CHRNA5: variants seen among roughly 807,000 people sequenced by gnomAD.
The protein encoded by CHRNA5 is neuronal acetylcholine receptor subunit alpha-5.
CHRNA5 carries 28 observed loss-of-function variants against 41.2 expected under a neutral mutation model. That is an observed-to-expected ratio of 0.68 (90% CI 0.50 to 0.93). The LOEUF (loss-of-function observed/expected upper bound fraction) is 0.93. CHRNA5 is among the 40% of genes least tolerant of loss of function. CHRNA5 has a pLI of 0.00. For synonymous variants in CHRNA5, 188 were observed against 205.8 expected (o/e 0.91, Z 0.74); for missense variants, 481 against 581.9 (o/e 0.83, Z 1.78).
intron 1 of CHRNA5, among the ~76,000 whole-genome samples, chr15:78,574,893 A>C (rs1349939770): frequency 1.3e-5 from 2 of 151,294 alleles, no homozygotes; most frequent in Non-Finnish European, 2.9e-5. Flanking sequence ...GGATTGCTTG[A>C]GCACAGGAGA....
chr15:78,590,244 T>C (rs749683576), exon 5 of CHRNA5: 1 of 1,614,068 alleles, frequency 6.2e-7, no homozygotes. Flanking sequence ...GATTTGTCTC[T>C]GCACTTCAGT....
At chr15:78,566,285 A>T (rs574177550) in intron 1 of CHRNA5, among the ~76,000 whole-genome samples, 5 of 152,184 alleles carry the variant, frequency 3.3e-5, no homozygotes, top group African/African-American at 1.2e-4. Flanking sequence ...CCACCGCAGC[A>T]TTTGAAAACC....
chr15:78,572,299 G>C (rs1301880173), intron 1 of CHRNA5, among the ~76,000 whole-genome samples: 1 of 152,056 alleles, frequency 6.6e-6, no homozygotes, highest in Admixed American at 6.5e-5. Context: ...GTTAATTACA[G>C]CATTTTTTCC....
rs2052979333 is a variant in CHRNA5, at chr15:78,588,266, T to C, written c.304-48T>C. The C allele has an allele frequency of 9.8e-7, 1 of 1,023,870 alleles. No homozygotes were observed. Among genetic ancestry groups the C allele is most frequent in the Non-Finnish European group, 1.5e-6 (1 of 683,430 alleles). The allele number at this position is 1,023,870 out of a possible 1,614,324, so 63.4% of individuals were successfully genotyped here. A position where few individuals can be genotyped will look rare whatever the true frequency, so the allele number is the denominator to read the frequency against. On this transcript the variant is annotated intron_variant, in intron 3 of 5. Coordinates refer to ENST00000299565, the Ensembl canonical transcript of CHRNA5. The surrounding 1 kb of genome is among the most constrained non-coding windows in gnomAD (Gnocchi z 4.1). ...CAAAAAAGTATGGTATTCACTGTTT[T>C]TGACTATTAGTTTTATTGAAATTGA...
At chr15:78,566,870 T>A (rs2052752593) in intron 1 of CHRNA5, among the ~76,000 whole-genome samples, 1 of 152,154 alleles carries the variant, frequency 6.6e-6, no homozygotes, top group African/African-American at 2.4e-5. Context: ...AAGAAAGGAA[T>A]GTGATTTTGG....
intron 2 of CHRNA5, among the ~76,000 whole-genome samples, chr15:78,582,938 C>G (rs999644002): frequency 3.3e-4 from 50 of 152,192 alleles, no homozygotes; most frequent in African/African-American, 1.1e-3. Context: ...CCTACTGGCA[C>G]TAGCCATTTA....
At chr15:78,575,991 A>T (rs889597164) in intron 1 of CHRNA5, among the ~76,000 whole-genome samples, 1 of 152,160 alleles carries the variant, frequency 6.6e-6, no homozygotes, top group Admixed American at 6.6e-5. Context: ...TGGATTATTG[A>T]ATCTTTTTAT....
At chr15:78,574,254 C>T (rs193258559) in intron 1 of CHRNA5, among the ~76,000 whole-genome samples, 21 of 151,642 alleles carry the variant, frequency 1.4e-4, no homozygotes, top group African/African-American at 4.8e-4. Context: ...GTGGCACATG[C>T]CTGTAGTCCC....
rs1474533880 is a variant in CHRNA5, at chr15:78,590,646, G to A, written c.1245+10G>A. The A allele has an allele frequency of 1.9e-6, 3 of 1,584,874 alleles. No homozygotes were observed. The highest frequency in any genetic ancestry group is 2.3e-5 in the South Asian group (2 of 87,150). On this transcript the variant is annotated intron_variant, in intron 5 of 5. Transcript: ENST00000299565. ...AAATGATGTCCGTGAGGTCTGTGAT[G>A]TGTATTTACAAATGCAGATCTTCTT... is the stretch of plus-strand genomic sequence containing the variant.
chr15:78,583,686 C>T (rs1433726177), intron 2 of CHRNA5, among the ~76,000 whole-genome samples: 1 of 149,520 alleles, frequency 6.7e-6, no homozygotes, highest in African/African-American at 2.5e-5. Context: ...CAGAGCGAGA[C>T]TCTGTCTCAA....
At chr15:78,589,081 C>T (rs2052986833) in intron 4 of CHRNA5, 1 of 152,178 alleles carries the variant, frequency 6.6e-6, no homozygotes, top group African/African-American at 2.4e-5. Context: ...TTTTTACCTC[C>T]ATGCTTCTTA....
chr15:78,591,007 A>G (rs890900244), intron 5 of CHRNA5: 9 of 193,630 alleles, frequency 4.6e-5, no homozygotes, highest in Non-Finnish European at 6.3e-5. Context: ...TTTTGTCTTC[A>G]GTAACTTTGT....
At position 78,588,138 on chromosome 15, in the gene CHRNA5, C is replaced by T. The variant is rs1274190737; in HGVS notation, c.304-176C>T. Among the ~76,000 whole-genome samples, 1 of 152,132 alleles carries T rather than the reference C, an allele frequency of 6.6e-6. No homozygotes were observed. The highest frequency in any genetic ancestry group is 1.5e-5 in the Non-Finnish European group (1 of 68,024). ...CTCACAGGGACCATGGTGAGAACCA[C>T]TACACAAGGGGACAGGGTTATCTGG... On this transcript the variant is annotated intron_variant, in intron 3 of 5. Coordinates refer to ENST00000299565, the Ensembl canonical transcript of CHRNA5. The surrounding 1 kb of genome is among the most constrained non-coding windows in gnomAD (Gnocchi z 4.1).
At position 78,588,017 on chromosome 15, in the gene CHRNA5, C is replaced by T. The variant is rs556252212; in HGVS notation, c.304-297C>T. Among the ~76,000 whole-genome samples, 30 of 152,272 alleles carry T rather than the reference C, an allele frequency of 2.0e-4. No homozygotes were observed. Among genetic ancestry groups the T allele is most frequent in the Middle Eastern group, 3.4e-3 (1 of 294 alleles). ...TCCCTTGAACCTGGATATTAAGTGCCTGTGGCTTCAAGTCCTGGATATAGT... is the reference window on the plus strand; with the variant it reads ...TCCCTTGAACCTGGATATTAAGTGCTTGTGGCTTCAAGTCCTGGATATAGT... On this transcript the variant is annotated intron_variant, in intron 3 of 5. Coordinates refer to ENST00000299565, the Ensembl canonical transcript of CHRNA5. The surrounding 1 kb of genome is among the most constrained non-coding windows in gnomAD (Gnocchi z 4.1).
intron 3 of CHRNA5, among the ~76,000 whole-genome samples, chr15:78,587,433 C>T (rs1157100084): frequency 2.0e-5 from 3 of 148,794 alleles, no homozygotes; most frequent in African/African-American, 5.0e-5. Flanking sequence ...TGGGGAGGAG[C>T]GTTCCAGGCA....
At position 78,585,787 on chromosome 15, in the gene CHRNA5, C is replaced by CTCTTT. The variant is rs1555415933; in HGVS notation, c.259-857_259-856insCTTTT. Among the ~76,000 whole-genome samples the CTCTTT allele has an allele frequency of 6.4e-5, 4 of 62,550 alleles. No individual in the cohort carries two copies. In the East Asian group the frequency reaches 3.2e-3, roughly 50 times the overall value. The allele number at this position is 62,550 out of a possible 152,430, so 41.0% of individuals were successfully genotyped here. A position where few individuals can be genotyped will look rare whatever the true frequency, so the allele number is the denominator to read the frequency against. ...TTTCTTTTTCTTTTTCTTTTCTTTT[C>CTCTTT]TTTCTTTTTTTTTTTGAGATGGAGT... On this transcript the variant is annotated intron_variant, in intron 2 of 5. Coordinates refer to ENST00000299565, the Ensembl canonical transcript of CHRNA5.
chr15:78,566,805 A>G (rs559336234), intron 1 of CHRNA5, among the ~76,000 whole-genome samples: 22 of 151,526 alleles, frequency 1.5e-4, no homozygotes, highest in Non-Finnish European at 2.2e-4. Context: ...GAGAAATAAG[A>G]TGGAGGGTGA....
chr15:78,595,251 A>G (rs1315907326), exon 6 of CHRNA5: 2 of 975,652 alleles, frequency 2.0e-6, no homozygotes, highest in Non-Finnish European at 2.4e-6. Context: ...TGATTTTTAT[A>G]TATAAATTTT....
intron 3 of CHRNA5, 65 bp downstream of exon 3, chr15:78,586,754 A>T (rs2052965052): frequency 9.2e-7 from 1 of 1,092,714 alleles, no homozygotes; most frequent in African/African-American, 1.6e-5. Flanking sequence ...TATTATATGT[A>T]TTGTAGCAGA....
Sources: gnomAD v4.1 joint callset for allele counts (sites outside exome capture counted in the v4.1 genomes callset) on GRCh38, gnomAD v4.1.1 for gene constraint, Gnocchi (gnomAD v3.1) non-coding constraint, MANE v1.5 for transcripts, NCBI Gene and HGNC (gene_info 2026-07-23, HGNC 2026-07-21) for gene names.